Variants in IPO8 observed in about 807,000 individuals in gnomAD.
IPO8 encodes importin-8.
A neutral mutation model predicts 141.2 loss-of-function variants in IPO8; 65 were observed. That is an observed-to-expected ratio of 0.46 (90% CI 0.38 to 0.57). IPO8 has a LOEUF of 0.57. Ranked by LOEUF, IPO8 falls within the 20% of genes least tolerant of loss-of-function variation. The probability of loss-of-function intolerance (pLI) is 0.00; values close to 1 mark genes in which losing one functional copy is unlikely to be tolerated. For synonymous variants in IPO8, 411 were observed against 420.3 expected (o/e 0.98, Z 0.27); for missense variants, 980 against 1,246.8 (o/e 0.79, Z 3.22).
chr12:30,683,095 C>T (rs1017041455), intron 3 of IPO8, among the ~76,000 whole-genome samples: 1 of 152,096 alleles, frequency 6.6e-6, no homozygotes, highest in African/African-American at 2.4e-5. Flanking sequence ...TCATTCCAAG[C>T]AAAGGATGGT....
intron 20 of IPO8, among the ~76,000 whole-genome samples, chr12:30,642,792 T>C (rs1014417882): frequency 2.0e-5 from 3 of 152,192 alleles, no homozygotes; most frequent in Non-Finnish European, 1.5e-5. Flanking sequence ...CTGGAATATC[T>C]AGTCGTACCA....
At chr12:30,675,045 G>A (rs1039727447) in intron 6 of IPO8, among the ~76,000 whole-genome samples, 3 of 151,844 alleles carry the variant, frequency 2.0e-5, no homozygotes, top group East Asian at 1.9e-4. Context: ...GATGATGAAA[G>A]GGTTCTACAT....
intron 17 of IPO8, among the ~76,000 whole-genome samples, chr12:30,655,736 G>C (rs948416857): frequency 6.6e-6 from 1 of 152,110 alleles, no homozygotes; most frequent in Non-Finnish European, 1.5e-5. Context: ...TTATATTCAA[G>C]TACTCTTCAA....
At position 30,634,289 on chromosome 12, in the gene IPO8, G is replaced by C; in HGVS notation, c.2696-3C>G. The C allele has an allele frequency of 1.2e-6, 2 of 1,610,204 alleles. No individual in the cohort carries two copies. Among genetic ancestry groups the C allele is most frequent in the Non-Finnish European group, 1.7e-6 (2 of 1,176,918 alleles). On this transcript the variant is annotated splice_polypyrimidine_tract_variant and splice_region_variant and intron_variant, in intron 22 of 24. Coordinates refer to ENST00000256079, the MANE Select transcript of IPO8 (RefSeq NM_006390.4). ...CTCTTCATCACTTGAAATCTCCTCT[G>C]TGAACCCATTAATTATTTAAAAGGA...
At chr12:30,681,053 G>A (rs1005282303) in intron 4 of IPO8, among the ~76,000 whole-genome samples, 4 of 152,138 alleles carry the variant, frequency 2.6e-5, no homozygotes, top group African/African-American at 9.7e-5. Context: ...AGTTAAAATA[G>A]TTTAAAATTT....
chr12:30,645,381 A>G (rs1434531273), intron 20 of IPO8, among the ~76,000 whole-genome samples: 2 of 152,194 alleles, frequency 1.3e-5, no homozygotes, highest in East Asian at 3.9e-4. Context: ...TCAAAAAAAA[A>G]AAAAAAGAGA....
Position 30,695,520 on chromosome 12 carries a change from G to A in IPO8, c.84+44C>T. ...GAGGGAGCCCGGCCAGCCGGCAGGG[G>A]CGCCCCTTCGGCGGAAGAGGGTCGC... On this transcript the variant is annotated intron_variant, in intron 1 of 24. Coordinates refer to ENST00000256079, the MANE Select transcript of IPO8 (RefSeq NM_006390.4). The surrounding 1 kb of genome is among the most constrained non-coding windows in gnomAD (Gnocchi z 4.2). 1.3e-6 allele frequency: 2 copies of A among 1,568,612 alleles called. No individual in the cohort carries two copies. Among genetic ancestry groups the A allele is most frequent in the Non-Finnish European group, 1.8e-6 (2 of 1,140,578 alleles).
At chr12:30,678,656 T>C (rs1191338996) in intron 5 of IPO8, among the ~76,000 whole-genome samples, 1 of 152,134 alleles carries the variant, frequency 6.6e-6, no homozygotes, top group South Asian at 2.1e-4. Flanking sequence ...GGTGAGGAGA[T>C]GAAGGGCTTT....
At position 30,632,035 on chromosome 12, in the gene IPO8, A is replaced by C. The variant is rs200517450; in HGVS notation, c.2900-24T>G. 748 of 1,452,120 alleles carry C rather than the reference A, an allele frequency of 5.2e-4. 3 individuals are homozygous for C. Among genetic ancestry groups the C allele is most frequent in the Admixed American group, 1.5e-4 (9 of 59,104 alleles). The allele number at this position is 1,452,120 out of a possible 1,614,324, so 90.0% of individuals were successfully genotyped here. On this transcript the variant is annotated intron_variant, in intron 23 of 24. Coordinates refer to ENST00000256079, the MANE Select transcript of IPO8 (RefSeq NM_006390.4). ...AGCTGTTGCATTTTGGGAGGAAAAGACAGGAGGGTACAGCGACTATTAATT... is the reference window on the plus strand; with the variant it reads ...AGCTGTTGCATTTTGGGAGGAAAAGCCAGGAGGGTACAGCGACTATTAATT...
intron 5 of IPO8, among the ~76,000 whole-genome samples, chr12:30,677,821 C>T (rs1005279591): frequency 1.3e-5 from 2 of 152,028 alleles, no homozygotes; most frequent in African/African-American, 2.4e-5. Flanking sequence ...AGTGTTAGTA[C>T]AACAGAGTCA....
intron 10 of IPO8, among the ~76,000 whole-genome samples, chr12:30,668,567 G>A (rs1184939618): frequency 6.6e-6 from 1 of 152,216 alleles, no homozygotes; most frequent in Non-Finnish European, 1.5e-5. Flanking sequence ...TCTAAGTTGT[G>A]GGAGATAGGT....
At position 30,690,656 on chromosome 12, in the gene IPO8, C is replaced by T. The variant is rs1182231529; in HGVS notation, c.85-79G>A. On this transcript the variant is annotated intron_variant, in intron 1 of 24. Coordinates refer to ENST00000256079, the MANE Select transcript of IPO8 (RefSeq NM_006390.4). ...ATAAGTTAGCACCGGTTACTGAATACATTACTGTCCAAATAAAAGAAAAAC... is the reference window on the plus strand; with the variant it reads ...ATAAGTTAGCACCGGTTACTGAATATATTACTGTCCAAATAAAAGAAAAAC... 3 of 664,430 alleles carry T rather than the reference C, an allele frequency of 4.5e-6. No homozygotes were observed. In the South Asian group the frequency reaches 6.9e-5, roughly 15 times the overall value. The allele number at this position is 664,430 out of a possible 1,614,324, so 41.2% of individuals were successfully genotyped here. A position where few individuals can be genotyped will look rare whatever the true frequency, so the allele number is the denominator to read the frequency against.
intron 16 of IPO8, among the ~76,000 whole-genome samples, chr12:30,658,294 T>G (rs961360742): frequency 6.6e-6 from 1 of 152,230 alleles, no homozygotes; most frequent in East Asian, 1.9e-4. Context: ...TTTTTCCTTT[T>G]AAGGAAATAT....
intron 1 of IPO8, among the ~76,000 whole-genome samples, chr12:30,692,334 T>G (rs1202315511): frequency 6.6e-6 from 1 of 152,228 alleles, no homozygotes; most frequent in Admixed American, 6.5e-5. Context: ...TTTTTGCAAC[T>G]GTTTGCCATT....
At chr12:30,691,119 T>C (rs1371444343) in intron 1 of IPO8, among the ~76,000 whole-genome samples, 1 of 152,198 alleles carries the variant, frequency 6.6e-6, no homozygotes, top group African/African-American at 2.4e-5. Flanking sequence ...ATGGCAAGTA[T>C]TTCTTCCTAG....
intron 9 of IPO8, among the ~76,000 whole-genome samples, 190 bp from the exon 10 acceptor site, chr12:30,669,472 T>C (rs983453935): frequency 6.6e-6 from 1 of 152,118 alleles, no homozygotes; most frequent in African/African-American, 2.4e-5. Context: ...AACATTTCCA[T>C]TTTAGTCCTA....
chr12:30,632,876 A>C (rs1591948256), intron 23 of IPO8, among the ~76,000 whole-genome samples: 1 of 152,354 alleles, frequency 6.6e-6, no homozygotes, highest in East Asian at 1.9e-4. Context: ...ATTCAAGGCC[A>C]CTATAGCCCA....
chr12:30,661,357 T>C, intron 15 of IPO8, 91 bp from the exon 16 acceptor site: 1 of 1,223,860 alleles, frequency 8.2e-7, no homozygotes, highest in Non-Finnish European at 1.1e-6. Flanking sequence ...GTCACACATC[T>C]GAAGTCTGCA....
At chr12:30,684,169 G>T in intron 3 of IPO8, 132 bp downstream of exon 3, 1 of 693,420 alleles carries the variant, frequency 1.4e-6, no homozygotes, top group Non-Finnish European at 2.4e-6. Flanking sequence ...AATATTCTTT[G>T]AGTGTCCCTC....
Sources: gnomAD v4.1 joint callset for allele counts (sites outside exome capture counted in the v4.1 genomes callset) on GRCh38, gnomAD v4.1.1 for gene constraint, Gnocchi (gnomAD v3.1) non-coding constraint, MANE v1.5 for transcripts, NCBI Gene and HGNC (gene_info 2026-07-23, HGNC 2026-07-21) for gene names.